The following DEUP1 variants were observed in gnomAD, a reference collection of about 807,000 sequenced individuals.
DEUP1 encodes the protein deuterosome assembly protein 1.
DEUP1 carries 82 observed loss-of-function variants against 87.4 expected under a neutral mutation model. The observed-to-expected ratio is 0.94, with a 90% CI of 0.78 to 1.13. The LOEUF is 1.13. Among genes scored for constraint, DEUP1 ranks in the 50% most tolerant of loss-of-function variants. DEUP1 has a pLI of 0.00. For missense variants in DEUP1, 663 were observed against 681.5 expected (o/e 0.97, Z 0.30); for synonymous variants, 214 against 222.7 (o/e 0.96, Z 0.35).
At position 93,362,957 on chromosome 11, in the gene DEUP1, A is replaced by G. The variant is rs544615039; in HGVS notation, c.298-1203A>G. Reference sequence around the variant, plus strand: ...TAATTAATCTGATAAAGTAGACACCATTGTTCATAGCATTATTTACAGTAG... The same window carrying G: ...TAATTAATCTGATAAAGTAGACACCGTTGTTCATAGCATTATTTACAGTAG... On this transcript the variant is annotated intron_variant, in intron 4 of 13. Transcript: ENST00000298050. Among the ~76,000 whole-genome samples, 5 of 152,014 alleles carry G rather than the reference A, an allele frequency of 3.3e-5. No individual in the cohort carries two copies. In the East Asian group the frequency reaches 9.6e-4, roughly 29 times the overall value.
chr11:93,360,032 A>G (rs1476436584), intron 4 of DEUP1, among the ~76,000 whole-genome samples: 2 of 152,144 alleles, frequency 1.3e-5, no homozygotes, highest in Non-Finnish European at 2.9e-5. Flanking sequence ...CTCGGGTGGT[A>G]TCATAGGAAG....
At chr11:93,343,820 C>A (rs562400265) in intron 2 of DEUP1, among the ~76,000 whole-genome samples, 3 of 152,182 alleles carry the variant, frequency 2.0e-5, no homozygotes, top group East Asian at 3.9e-4. Context: ...TAGAACAAGG[C>A]CTTTATAAGT....
intron 7 of DEUP1, among the ~76,000 whole-genome samples, chr11:93,378,832 C>T (rs572814635): frequency 2.0e-5 from 3 of 152,218 alleles, no homozygotes; most frequent in South Asian, 2.1e-4. Context: ...CTGGCATGTT[C>T]CTACAGTAGT....
chr11:93,373,593 ACG>A (rs1461035386), intron 7 of DEUP1, among the ~76,000 whole-genome samples: 2 of 137,010 alleles, frequency 1.5e-5, no homozygotes, highest in East Asian at 2.2e-4. Context: ...ATATATATAT[ACG>A]TATATATATT....
intron 13 of DEUP1, among the ~76,000 whole-genome samples, chr11:93,431,823 A>G (rs1009685882): frequency 6.6e-6 from 1 of 152,200 alleles, no homozygotes; most frequent in African/African-American, 2.4e-5. Context: ...GTGATTAAAG[A>G]TGACTCCTAG....
rs1371184140 is a variant in DEUP1, at chr11:93,427,637, A to C, written c.1639-9906A>C. 2.0e-5 allele frequency among the ~76,000 whole-genome samples: 3 copies of C among 151,018 alleles called. No homozygotes were observed. In the East Asian group the frequency reaches 5.8e-4, roughly 29 times the overall value. On this transcript the variant is annotated intron_variant, in intron 13 of 13. Transcript: ENST00000298050. ...AAAATTGACAAATGGGATCTAATTA[A>C]ACTAAAGAGCTTCTGCACAGCAAAA... is the stretch of plus-strand genomic sequence containing the variant.
intron 13 of DEUP1, 101 bp from the exon 14 acceptor site, chr11:93,437,442 G>A (rs1462982944): frequency 1.2e-6 from 1 of 805,596 alleles, no homozygotes; most frequent in African/African-American, 1.7e-5. Context: ...ATTAAGAGCT[G>A]CGGTGTTTGA....
chr11:93,337,370 T>C (rs1943822901), intron 2 of DEUP1, among the ~76,000 whole-genome samples: 1 of 152,148 alleles, frequency 6.6e-6, no homozygotes. Context: ...TAAAATAAAA[T>C]CTAATTTTTC....
intron 11 of DEUP1, among the ~76,000 whole-genome samples, chr11:93,401,457 A>G (rs1947117161): frequency 6.6e-6 from 1 of 152,106 alleles, no homozygotes; most frequent in Admixed American, 6.6e-5. Context: ...TAAAATTTAT[A>G]TGCAAACACA....
At chr11:93,353,819 G>T (rs1018848667) in intron 2 of DEUP1, among the ~76,000 whole-genome samples, 2 of 152,210 alleles carry the variant, frequency 1.3e-5, no homozygotes, top group African/African-American at 2.4e-5. Context: ...GCTGCACACG[G>T]CATGGGGACC....
At chr11:93,399,456 ATATTTT>A (rs1947048635) in intron 11 of DEUP1, among the ~76,000 whole-genome samples, 1 of 151,842 alleles carries the variant, frequency 6.6e-6, no homozygotes, top group Non-Finnish European at 1.5e-5. Flanking sequence ...CCATTTCTTC[ATATTTT>A]ATGTTTTTCA....
At chr11:93,349,551 A>T (rs11020277) in intron 2 of DEUP1, among the ~76,000 whole-genome samples, 2,557 of 150,640 alleles carry the variant, frequency 0.017, 27 homozygotes, top group East Asian at 0.062. Context: ...ATTATCTTAA[A>T]GTTCCAAATG....
rs1565316421 is a variant in DEUP1, at chr11:93,373,633, A to ATT, written c.789+2354_789+2355insTT. On this transcript the variant is annotated intron_variant, in intron 7 of 13. Coordinates refer to ENST00000298050, the MANE Select transcript of DEUP1 (RefSeq NM_181645.4). ...TATATGTATATATATACGTATATAT[A>ATT]TATATATATATATATATACGTATAT... Among the ~76,000 whole-genome samples the ATT allele has an allele frequency of 1.4e-3, 203 of 144,930 alleles. 1 individual carries two copies. The highest frequency in any genetic ancestry group is 4.9e-3 in the African/African-American group (195 of 39,580).
chr11:93,419,710 G>C (rs1342139210), intron 13 of DEUP1, among the ~76,000 whole-genome samples: 1 of 151,842 alleles, frequency 6.6e-6, no homozygotes, highest in Non-Finnish European at 1.5e-5. Flanking sequence ...GAACTGCAAA[G>C]TACTGTATAA....
chr11:93,365,194 T>G (rs1027514918), intron 5 of DEUP1, among the ~76,000 whole-genome samples: 1 of 152,054 alleles, frequency 6.6e-6, no homozygotes, highest in African/African-American at 2.4e-5. Flanking sequence ...TAAAATATCT[T>G]AAAGAGCAGA....
At chr11:93,393,070 TTCTTCTCTTCCTCCTTC>T (rs1448306580) in intron 9 of DEUP1, among the ~76,000 whole-genome samples, 5,078 of 140,630 alleles carry the variant, frequency 0.036, 383 homozygotes, top group African/African-American at 0.12. Context: ...CTCCTCCTTC[TTCTTCTCTTCCTCCTTC>T]TTTTTTTTTT....
intron 6 of DEUP1, 54 bp from the exon 7 acceptor site, chr11:93,370,984 T>G: frequency 4.7e-6 from 7 of 1,486,866 alleles, no homozygotes; most frequent in Non-Finnish European, 6.4e-6. Flanking sequence ...GAACTTCATG[T>G]AAGCTTAAAT....
intron 12 of DEUP1, among the ~76,000 whole-genome samples, chr11:93,414,419 G>C (rs1947541737): frequency 6.6e-6 from 1 of 151,966 alleles, no homozygotes; most frequent in Non-Finnish European, 1.5e-5. Flanking sequence ...AGACAGGAGA[G>C]TCTCTTGAAC....
At position 93,413,418 on chromosome 11, in the gene DEUP1, A is replaced by G. The variant is rs1565344083; in HGVS notation, c.1524-1582A>G. On this transcript the variant is annotated intron_variant, in intron 12 of 13. Transcript: ENST00000298050. The stretch of plus-strand genomic sequence containing the variant: ...CATCACGCCAGGCTAATTTTTTTGT[A>G]TTTTTAGTAGCGACGGGGTTTCACC... 3.3e-5 allele frequency among the ~76,000 whole-genome samples: 5 copies of G among 151,830 alleles called. No individual in the cohort carries two copies. The South Asian group carries it at 1.0e-3, about 32-fold the overall frequency.
Sources: gnomAD v4.1 joint callset for allele counts (sites outside exome capture counted in the v4.1 genomes callset) on GRCh38, gnomAD v4.1.1 for gene constraint, MANE v1.5 for transcripts, NCBI Gene and HGNC (gene_info 2026-07-23, HGNC 2026-07-21) for gene names.